Variants in DMD observed in about 807,000 individuals in gnomAD.
DMD encodes the protein mutant dystrophin.
In DMD, 63 loss-of-function variants were observed where a neutral mutation model predicts 330.1. The ratio of observed to expected loss-of-function variants is 0.19; its 90% CI spans 0.16 to 0.24. The LOEUF (loss-of-function observed/expected upper bound fraction) is 0.24. DMD is among the 10% of genes least tolerant of loss of function. The pLI, the probability that DMD is intolerant of heterozygous loss-of-function variation, is 1.00. For missense variants in DMD, 3,344 were observed against 2,684.1 expected (o/e 1.25, Z -5.43); for synonymous variants, 1,223 against 959.8 (o/e 1.27, Z -5.07).
intron 1 of DMD, among the ~76,000 whole-genome samples, chrX:33,318,599 AT>A (rs976109542): frequency 3.3e-4 from 34 of 104,285 alleles, no homozygotes; most frequent in South Asian, 8.7e-4. Context: ...GCCCAGCAAA[AT>A]TTTTTTTTTG....
chrX:32,552,440 T>G (rs2049678637), intron 16 of DMD, among the ~76,000 whole-genome samples: 1 of 111,866 alleles, frequency 8.9e-6, no homozygotes, highest in Non-Finnish European at 1.9e-5. Flanking sequence ...GATTAAAGAC[T>G]TAAATCTAAA....
chrX:33,163,552 G>GTATATATA (rs781153726), intron 1 of DMD, among the ~76,000 whole-genome samples: 14 of 91,003 alleles, frequency 1.5e-4, no homozygotes, highest in African/African-American at 5.0e-4. Context: ...ATATATGTGT[G>GTATATATA]TATATATATA....
intron 60 of DMD, among the ~76,000 whole-genome samples, chrX:31,411,830 C>T (rs964436912): frequency 5.5e-5 from 6 of 109,169 alleles, no homozygotes; most frequent in Middle Eastern, 4.7e-3. Context: ...GACAGGGTTT[C>T]GTCATGTTGG....
chrX:32,252,811 T>TAA (rs1314724002), intron 43 of DMD, among the ~76,000 whole-genome samples: 2 of 64,797 alleles, frequency 3.1e-5, no homozygotes, highest in African/African-American at 1.4e-4. Flanking sequence ...TATAAATATA[T>TAA]ATAAGTATAT....
intron 9 of DMD, among the ~76,000 whole-genome samples, chrX:32,679,335 TGG>T (rs2062200344): frequency 9.2e-6 from 1 of 109,077 alleles, no homozygotes; most frequent in African/African-American, 3.5e-5. Context: ...AACGAGGTTT[TGG>T]TTTTTTTTTT....
chrX:33,025,211 A>T (rs148403814), intron 1 of DMD, among the ~76,000 whole-genome samples: 3 of 112,503 alleles, frequency 2.7e-5, no homozygotes, highest in African/African-American at 9.7e-5. Flanking sequence ...GAGAGAAAGT[A>T]AAGAAGGAAT....
intron 7 of DMD, among the ~76,000 whole-genome samples, chrX:32,785,191 C>A (rs1361986231): frequency 3.0e-5 from 3 of 101,423 alleles, no homozygotes; most frequent in Non-Finnish European, 5.9e-5. Flanking sequence ...TGCTCGTGCT[C>A]TATAAAAGCA....
At position 32,709,593 on chromosome X, in the gene DMD, C is replaced by G. The variant is rs146652208; in HGVS notation, c.650-10300G>C. Among the ~76,000 whole-genome samples, 395 of 111,103 alleles carry G rather than the reference C, an allele frequency of 3.6e-3. 3 individuals carry two copies. Among genetic ancestry groups the G allele is most frequent in the African/African-American group, 0.012 (366 of 30,644 alleles). Reference sequence around the variant, plus strand: ...TTGGTCTTGTTTTGTTTTTGCATCTCAAATACCGAAGGCCATTTTACACCT... The same window carrying G: ...TTGGTCTTGTTTTGTTTTTGCATCTGAAATACCGAAGGCCATTTTACACCT... On this transcript the variant is annotated intron_variant, in intron 7 of 78. Transcript: ENST00000357033.
Position 32,072,204 on chromosome X carries a change from C to T in DMD, c.6439-103690G>A, listed in dbSNP as rs774986047. ...CGGTTGGGTGCTGATATACGTGCCA[C>T]GATATGTAATATTAAAAACCCTTTG... On this transcript the variant is annotated intron_variant, in intron 44 of 78. Transcript: ENST00000357033. 3.6e-5 allele frequency among the ~76,000 whole-genome samples: 4 copies of T among 111,093 alleles called. No homozygotes were observed. The South Asian group carries it at 1.5e-3, about 41-fold the overall frequency.
intron 2 of DMD, among the ~76,000 whole-genome samples, chrX:32,984,442 A>C (rs1453326738): frequency 1.8e-5 from 2 of 111,293 alleles, no homozygotes; most frequent in African/African-American, 3.3e-5. Flanking sequence ...TTTAGTAGAG[A>C]CAGGGTTTTG....
At chrX:31,897,362 G>A (rs2094353985) in intron 47 of DMD, among the ~76,000 whole-genome samples, 2 of 108,200 alleles carry the variant, frequency 1.8e-5, no homozygotes, top group African/African-American at 6.7e-5. Context: ...TTGCTATTGT[G>A]AATAGCGCCG....
chrX:32,342,980 T>A (rs2097751778), intron 40 of DMD, 154 bp downstream of exon 40: 1 of 554,026 alleles, frequency 1.8e-6, no homozygotes, highest in Non-Finnish European at 3.0e-6. Context: ...CTTAATACAA[T>A]ACATTTACTG....
At chrX:32,916,184 C>A (rs905646714) in intron 2 of DMD, among the ~76,000 whole-genome samples, 1 of 111,243 alleles carries the variant, frequency 9.0e-6, no homozygotes, top group African/African-American at 3.3e-5. Flanking sequence ...TCAGAGTCAA[C>A]AATCATTGTC....
At chrX:32,104,390 C>T (rs1039819575) in intron 44 of DMD, among the ~76,000 whole-genome samples, 2 of 111,274 alleles carry the variant, frequency 1.8e-5, no homozygotes, top group Non-Finnish European at 3.8e-5. Context: ...AAGCAACCCA[C>T]CCAACATCAT....
intron 44 of DMD, among the ~76,000 whole-genome samples, chrX:32,215,678 C>A (rs1319492568): frequency 2.7e-5 from 3 of 111,379 alleles, no homozygotes; most frequent in African/African-American, 9.8e-5. Context: ...ATATCTACCC[C>A]AAAACATTTT....
rs5926992 is a variant in DMD, at chrX:31,203,743, G to C, written c.9807+218C>G. 0.034 allele frequency among the ~76,000 whole-genome samples: 3,737 copies of C among 111,263 alleles called. 83 individuals carry two copies. Among genetic ancestry groups the C allele is most frequent in the Non-Finnish European group, 0.055 (2,929 of 53,034 alleles). On this transcript the variant is annotated intron_variant, in intron 67 of 78. Transcript: ENST00000357033. ...GCACCTCAATAACTGTGGGGTCCCTGCTGCAGATGGAGATTTCTTTTCCTT... is the reference window on the plus strand; with the variant it reads ...GCACCTCAATAACTGTGGGGTCCCTCCTGCAGATGGAGATTTCTTTTCCTT...
intron 76 of DMD, among the ~76,000 whole-genome samples, chrX:31,140,748 C>G (rs1261816469): frequency 1.0e-5 from 1 of 95,425 alleles, no homozygotes; most frequent in African/African-American, 3.7e-5. Flanking sequence ...TGCTTGATTT[C>G]TAAAATATTA....
chrX:32,619,780 A>T (rs1190214153), intron 11 of DMD, among the ~76,000 whole-genome samples: 1 of 111,619 alleles, frequency 9.0e-6, no homozygotes, highest in Non-Finnish European at 1.9e-5. Context: ...ATAATAAACG[A>T]TAGTGAAGGA....
chrX:33,072,329 A>T (rs1049291211), intron 1 of DMD, among the ~76,000 whole-genome samples: 1 of 111,710 alleles, frequency 9.0e-6, no homozygotes, highest in Non-Finnish European at 1.9e-5. Flanking sequence ...GAGGTAGGAG[A>T]ATCATTTGAA....
Sources: gnomAD v4.1 joint callset for allele counts (sites outside exome capture counted in the v4.1 genomes callset) on GRCh38, gnomAD v4.1.1 for gene constraint, MANE v1.5 for transcripts, NCBI Gene and HGNC (gene_info 2026-07-23, HGNC 2026-07-21) for gene names.